Variants in RTTN observed in about 807,000 individuals in gnomAD.
RTTN encodes the protein rotatin.
Under a neutral mutation model 269.2 loss-of-function variants are expected in RTTN, and 182 were observed. The ratio of observed to expected loss-of-function variants is 0.68; its 90% CI spans 0.60 to 0.76. RTTN has a LOEUF of 0.76. Ranked by LOEUF, RTTN falls within the 30% of genes least tolerant of loss-of-function variation. The pLI is 0.00. For synonymous variants in RTTN, 1,006 were observed against 963.5 expected, an observed-to-expected ratio of 1.04 and a Z score of -0.82; for missense variants, 2,545 against 2,608.6, an observed-to-expected ratio of 0.98 and a Z score of 0.53.
intron 14 of RTTN, among the ~76,000 whole-genome samples, chr18:70,160,967 G>C (rs552269613): frequency 5.9e-5 from 9 of 152,254 alleles, no homozygotes; most frequent in African/African-American, 2.2e-4. Context: ...AACTACCAAT[G>C]TCATTCTTCA....
intron 12 of RTTN, among the ~76,000 whole-genome samples, chr18:70,167,548 C>T (rs1454076889): frequency 3.3e-5 from 5 of 152,102 alleles, no homozygotes; most frequent in Middle Eastern, 3.4e-3. Context: ...ATGGCGAAAC[C>T]CCGTCTCTAC....
intron 14 of RTTN, among the ~76,000 whole-genome samples, chr18:70,161,114 T>C (rs188375995): frequency 9.8e-4 from 149 of 152,292 alleles, no homozygotes; most frequent in East Asian, 6.4e-3. Flanking sequence ...GGGGCTACAG[T>C]AACCAAAACA....
intron 37 of RTTN, 28 bp from the exon 38 acceptor site, chr18:70,054,312 C>T: frequency 1.3e-6 from 2 of 1,571,650 alleles, no homozygotes; most frequent in East Asian, 2.3e-5. Context: ...AGGGTCAAAT[C>T]AAACATGCCA....
chr18:70,174,151 A>T (rs1294407428), intron 11 of RTTN, among the ~76,000 whole-genome samples: 1 of 123,832 alleles, frequency 8.1e-6, no homozygotes, highest in African/African-American at 4.1e-5. Flanking sequence ...AAAGTTTAAA[A>T]AAAAAAAAAA....
intron 40 of RTTN, among the ~76,000 whole-genome samples, chr18:70,040,083 C>T (rs1026164416): frequency 6.6e-6 from 1 of 151,840 alleles, no homozygotes; most frequent in African/African-American, 2.4e-5. Context: ...AATTAGAAAA[C>T]AAATAACAAA....
chr18:70,123,852 G>GT (rs2059797938), intron 25 of RTTN, among the ~76,000 whole-genome samples: 1 of 152,016 alleles, frequency 6.6e-6, no homozygotes, highest in Non-Finnish European at 1.5e-5. Flanking sequence ...TCCTACAAGA[G>GT]TGACACCTAG....
rs2144964534 is a variant in RTTN at position 70,065,863 on chromosome 18, T to C, written c.4713A>G (p.Leu1571=). ...FQPLVQSTTL[L]PEASHDQFVA... Reference sequence around the variant, plus strand: ...CAAACTGGTCATGGGAGGCTTCAGGTAGAAGTGTTGTTGACTGCACAAGTG... The same window carrying C: ...CAAACTGGTCATGGGAGGCTTCAGGCAGAAGTGTTGTTGACTGCACAAGTG... The change falls in exon 35 of 49, where the codon CTA becomes CTG. Residue 1571 remains leucine (L), a synonymous_variant. Coordinates refer to ENST00000640769, the MANE Select transcript of RTTN (RefSeq NM_173630.4). The C allele has an allele frequency of 4.4e-6, 7 of 1,601,708 alleles. No homozygotes were observed. The highest frequency in any genetic ancestry group is 6.0e-6 in the Non-Finnish European group (7 of 1,172,900).
At chr18:70,188,805 A>G (rs946802792) in intron 9 of RTTN, among the ~76,000 whole-genome samples, 2 of 152,220 alleles carry the variant, frequency 1.3e-5, no homozygotes, top group Non-Finnish European at 2.9e-5. Context: ...CAGAGACAGA[A>G]TAACAAAGAC....
At chr18:70,058,433 G>A (rs28610350) in intron 36 of RTTN, among the ~76,000 whole-genome samples, 2,945 of 152,202 alleles carry the variant, frequency 0.019, 84 homozygotes, top group African/African-American at 0.067. Context: ...CAGGAGAATC[G>A]CTTGAACCCA....
rs1568464601 is a variant in RTTN at position 70,148,990 on chromosome 18, TAGA to T, written c.2217_2219del (p.Leu740del). ...CTTCTGTGTCAGAACTTGCTTTGCT[TAGA>T]AGGAGAATGCAGTTACCCAGAGGAT... On this transcript the variant is annotated inframe_deletion, in exon 17 of 49. Transcript: ENST00000640769. The T allele has an allele frequency of 6.2e-7, 1 of 1,613,550 alleles. No individual in the cohort carries two copies. The highest frequency in any genetic ancestry group is 1.1e-5 in the South Asian group (1 of 91,072).
chr18:70,017,879 T>C (rs377120809), intron 45 of RTTN, among the ~76,000 whole-genome samples: 163 of 152,328 alleles, frequency 1.1e-3, no homozygotes, highest in African/African-American at 3.8e-3. Flanking sequence ...CAAGTTTTAA[T>C]TCCTGCTAAT....
chr18:70,055,165 G>T (rs912535947), intron 37 of RTTN, among the ~76,000 whole-genome samples: 1 of 152,126 alleles, frequency 6.6e-6, no homozygotes, highest in Admixed American at 6.6e-5. Flanking sequence ...GTACTTTTCA[G>T]AAAAATAATC....
At chr18:70,203,013 A>G (rs941996955) in intron 3 of RTTN, among the ~76,000 whole-genome samples, 2 of 151,020 alleles carry the variant, frequency 1.3e-5, no homozygotes, top group African/African-American at 4.9e-5. Context: ...CATAAATTGC[A>G]TGAAGATGTT....
At chr18:70,055,063 A>G (rs957826857) in intron 37 of RTTN, among the ~76,000 whole-genome samples, 2 of 152,202 alleles carry the variant, frequency 1.3e-5, no homozygotes, top group Non-Finnish European at 2.9e-5. Flanking sequence ...TATTAATTAT[A>G]AAAGAAAAAA....
At chr18:70,074,766 T>A (rs1318887295) in intron 33 of RTTN, 1 of 151,674 alleles carries the variant, frequency 6.6e-6, no homozygotes, top group East Asian at 1.9e-4. Flanking sequence ...ATTATTTTTA[T>A]GTGCTCAGAT....
In RTTN at chr18:70,016,422, T is replaced by C. The variant is rs998712788; in HGVS notation, c.6421+985A>G. Among the ~76,000 whole-genome samples, 3 of 152,176 alleles carry C rather than the reference T, an allele frequency of 2.0e-5. No individual in the cohort carries two copies. In the South Asian group the frequency reaches 6.2e-4, roughly 32 times the overall value. ...AACCAAGAAGAGTGGGCTTCTTTTA[T>C]AGATGAAGAAGCTGGGCCCAGCGAG... On this transcript the variant is annotated intron_variant, in intron 46 of 48. Transcript: ENST00000640769.
At chr18:70,040,956 C>T (rs575452249) in intron 40 of RTTN, among the ~76,000 whole-genome samples, 55 of 152,228 alleles carry the variant, frequency 3.6e-4, no homozygotes, top group Non-Finnish European at 7.6e-4. Flanking sequence ...TGGTGGCTCA[C>T]GCCTTGTAAT....
At chr18:70,068,876 T>C (rs1568328183) in intron 34 of RTTN, among the ~76,000 whole-genome samples, 1 of 152,192 alleles carries the variant, frequency 6.6e-6, no homozygotes, top group African/African-American at 2.4e-5. Flanking sequence ...AATCTGAATT[T>C]GAATATATTT....
At chr18:70,056,073 C>T (rs540166255) in intron 37 of RTTN, among the ~76,000 whole-genome samples, 2 of 152,326 alleles carry the variant, frequency 1.3e-5, no homozygotes, top group Admixed American at 1.3e-4. Flanking sequence ...TGATACAATG[C>T]ATTTTATTTA....
Sources: allele counts gnomAD v4.1 joint callset (sites outside exome capture counted in the v4.1 genomes callset), GRCh38; gene constraint gnomAD v4.1.1; transcripts MANE v1.5; gene names NCBI Gene and HGNC (gene_info 2026-07-23, HGNC 2026-07-21).